HERC1: variants seen among roughly 807,000 people sequenced by gnomAD.
The protein encoded by HERC1 is probable E3 ubiquitin-protein ligase HERC1.
A neutral mutation model predicts 554.3 loss-of-function variants in HERC1; 160 were observed. The observed-to-expected ratio is 0.29, with a 90% CI of 0.25 to 0.33. HERC1 has a LOEUF of 0.33. Among genes scored for constraint, HERC1 ranks in the 10% least tolerant of loss-of-function variants. The pLI is 1.00. For missense variants in HERC1, 4,919 were observed against 5,918.5 expected (o/e 0.83, Z 5.54); for synonymous variants, 2,175 against 2,131.7 (o/e 1.02, Z -0.56).
intron 24 of HERC1, among the ~76,000 whole-genome samples, chr15:63,711,530 C>T (rs2073293706): frequency 6.6e-6 from 1 of 152,194 alleles, no homozygotes; most frequent in African/African-American, 2.4e-5. Context: ...AACGTAAAGA[C>T]ACTGTTCAAC....
chr15:63,790,154 T>C (rs1168821400), intron 1 of HERC1, among the ~76,000 whole-genome samples: 1 of 152,182 alleles, frequency 6.6e-6, no homozygotes, highest in Admixed American at 6.5e-5. Context: ...ATAACACATA[T>C]AAAGTTCTTG....
At position 63,636,067 on chromosome 15, in the gene HERC1, A is replaced by G; in HGVS notation, c.12308T>C (p.Val4103Ala). ...ATAGTCACCATCTCCCCAGCTAAAG[A>G]CCTCACCACTTTCAGTTAGGGCCAT... ...HSMALTESGE[V>A]FSWGDGDYGK... is the part of the protein sequence containing the mutation. The change falls in exon 65 of 78, where the codon GTC (valine) becomes GCC (alanine). Residue 4103 changes from valine (V) to alanine (A), a missense_variant. Around this residue, in one of 11 missense-constraint regions of HERC1, gnomAD observed 122 missense variants for 195.2 expected, o/e 0.63. Transcript: ENST00000443617. 6.2e-7 allele frequency: 1 copy of G among 1,613,542 alleles called. No individual in the cohort carries two copies. Among genetic ancestry groups the G allele is most frequent in the South Asian group, 1.1e-5 (1 of 91,068 alleles).
Position 63,633,927 on chromosome 15 carries a change from C to T in HERC1, c.12614G>A (p.Gly4205Asp). ...LNHTLAVSAD[G>D]SMVWAFGDGD... The stretch of plus-strand genomic sequence containing the variant: ...ATCTCCAAAAGCCCACACCATGGAA[C>T]CATCTGCTGACACTGCCAAAGTGTG... The change falls in exon 67 of 78, where the codon GGT (glycine) becomes GAT (aspartate). Residue 4205 changes from glycine to aspartate, a missense_variant. This residue lies in a region of HERC1 where 410 missense variants were observed against 467.0 expected (regional missense o/e 0.88). Coordinates refer to ENST00000443617, the MANE Select transcript of HERC1 (RefSeq NM_003922.4). 1 of 1,613,888 alleles carries T rather than the reference C, an allele frequency of 6.2e-7. No homozygotes were observed. Among genetic ancestry groups the T allele is most frequent in the Non-Finnish European group, 8.5e-7 (1 of 1,179,826 alleles).
At chr15:63,823,326 T>G (rs913303524) in intron 1 of HERC1, among the ~76,000 whole-genome samples, 1 of 152,218 alleles carries the variant, frequency 6.6e-6, no homozygotes, top group Non-Finnish European at 1.5e-5. Flanking sequence ...GGCATATAGA[T>G]AGTATTTAAA....
intron 12 of HERC1, among the ~76,000 whole-genome samples, chr15:63,741,888 T>G (rs1421862866): frequency 6.6e-6 from 1 of 152,240 alleles, no homozygotes; most frequent in Non-Finnish European, 1.5e-5. Context: ...ACTGTAACTC[T>G]AAAGTAGTAT....
In HERC1 at chr15:63,680,517, T is replaced by C; in HGVS notation, c.6465+20A>G. On this transcript the variant is annotated intron_variant, in intron 35 of 77. Transcript: ENST00000443617. This position sits in a 1 kb window ranked among gnomAD's most constrained non-coding sequence, Gnocchi z 5.8. ...AATAGAAACAAGAAAAATGTAATGC[T>C]TGTGAATGGGTGTCGGTACCTCTCC... 1 of 1,611,162 alleles carries C rather than the reference T, an allele frequency of 6.2e-7. No homozygotes were observed. The highest frequency in any genetic ancestry group is 8.5e-7 in the Non-Finnish European group (1 of 1,178,586).
chr15:63,616,807 A>T, intron 74 of HERC1, 125 bp from the exon 75 acceptor site: 8 of 820,098 alleles, frequency 9.8e-6, no homozygotes, highest in Non-Finnish European at 9.5e-6. Flanking sequence ...TTAGCCACAT[A>T]AGGCTAAAGT....
At chr15:63,708,857 C>T (rs1348366918) in intron 24 of HERC1, among the ~76,000 whole-genome samples, 1 of 152,230 alleles carries the variant, frequency 6.6e-6, no homozygotes, top group Non-Finnish European at 1.5e-5. Context: ...CCACCCCAGG[C>T]TCTCTGAAGC....
In HERC1 at chr15:63,609,107, C is replaced by A. The variant is rs1391991835; in HGVS notation, c.14560G>T (p.Ala4854Ser). 2 of 1,613,722 alleles carry A rather than the reference C, an allele frequency of 1.2e-6. No individual in the cohort carries two copies. The highest frequency in any genetic ancestry group is 4.5e-5 in the East Asian group (2 of 44,874). ...NYMLSRNVDN[A>S]EGSDTDY is the part of the protein sequence containing the mutation. ...CAGTAGTCAGTGTCGGAGCCCTCGG[C>A]GTTGTCCACGTTTCTCGAGAGCATG... is the stretch of plus-strand genomic sequence containing the variant. Residue 4854 changes from alanine to serine, a missense_variant, in exon 78 of 78, where the codon GCC becomes TCC. Coordinates refer to ENST00000443617, the MANE Select transcript of HERC1 (RefSeq NM_003922.4).
intron 19 of HERC1, 143 bp from the exon 20 acceptor site, chr15:63,719,040 C>T: frequency 1.7e-6 from 1 of 601,406 alleles, no homozygotes; most frequent in Non-Finnish European, 2.9e-6. Context: ...TTAGATCCCA[C>T]TTACTGTTCC....
chr15:63,796,441 T>G (rs1377593103), intron 1 of HERC1, among the ~76,000 whole-genome samples: 1 of 152,228 alleles, frequency 6.6e-6, no homozygotes, highest in Non-Finnish European at 1.5e-5. Flanking sequence ...TAAGAGAAAT[T>G]TGACACAGTT....
intron 3 of HERC1, among the ~76,000 whole-genome samples, chr15:63,759,721 C>T (rs1478550021): frequency 3.3e-5 from 5 of 152,030 alleles, no homozygotes; most frequent in African/African-American, 1.2e-4. Context: ...TTGTTTTCTG[C>T]CTTTTAGTTT....
Position 63,630,591 on chromosome 15 carries a change from G to C in HERC1, c.12841C>G (p.Arg4281Gly), listed in dbSNP as rs1349418798. 1 of 1,613,580 alleles carries C rather than the reference G, an allele frequency of 6.2e-7. No individual in the cohort carries two copies. Among genetic ancestry groups the C allele is most frequent in the Non-Finnish European group, 8.5e-7 (1 of 1,179,790 alleles). ...GCCAGGACAGGGATTTGTTGCGGTC[G>C]ATTGTGATTGCGAGCACGCCCCTCT... is the stretch of plus-strand genomic sequence containing the variant. ...LPEGRARNHNRPQQIPVLAGV... is the reference protein window; with the variant it reads ...LPEGRARNHNGPQQIPVLAGV... Residue 4281 changes from arginine to glycine, a missense_variant, in exon 69 of 78, where the codon CGA becomes GGA. This residue lies in a region of HERC1 where 410 missense variants were observed against 467.0 expected (regional missense o/e 0.88). Coordinates refer to ENST00000443617, the MANE Select transcript of HERC1 (RefSeq NM_003922.4).
chr15:63,661,648 A>G (rs2070364798), intron 45 of HERC1, 105 bp downstream of exon 45: 2 of 1,176,600 alleles, frequency 1.7e-6, no homozygotes, highest in Non-Finnish European at 2.4e-6. Flanking sequence ...ACGGGATTTC[A>G]GGGAAGGTTA....
chr15:63,763,978 C>A, intron 3 of HERC1, 118 bp downstream of exon 3: 2 of 297,776 alleles, frequency 6.7e-6, no homozygotes, highest in East Asian at 9.2e-5. Flanking sequence ...GAGGTAACAA[C>A]TGGTGCCACT....
intron 59 of HERC1, 61 bp downstream of exon 59, chr15:63,642,896 T>C (rs1032870082): frequency 2.5e-5 from 25 of 999,472 alleles, no homozygotes; most frequent in Admixed American, 7.8e-5. Context: ...GTGGTTAGAC[T>C]ATGATTTCTA....
intron 77 of HERC1, among the ~76,000 whole-genome samples, chr15:63,611,867 T>C (rs1336186115): frequency 6.6e-6 from 1 of 152,214 alleles, no homozygotes; most frequent in Non-Finnish European, 1.5e-5. Context: ...GGGTCATAGT[T>C]TGTTTTCCCC....
intron 1 of HERC1, among the ~76,000 whole-genome samples, chr15:63,788,251 C>T (rs983371961): frequency 6.6e-6 from 1 of 152,152 alleles, no homozygotes; most frequent in African/African-American, 2.4e-5. Context: ...CCTAACACAG[C>T]ATCTGATACC....
intron 12 of HERC1, among the ~76,000 whole-genome samples, chr15:63,739,281 T>A (rs1462572123): frequency 7.2e-6 from 1 of 139,678 alleles, no homozygotes; most frequent in Non-Finnish European, 1.5e-5. Flanking sequence ...CACTGCAACC[T>A]CCATCTCAAA....
Sources: allele counts gnomAD v4.1 joint callset (sites outside exome capture counted in the v4.1 genomes callset), GRCh38; gene constraint gnomAD v4.1.1; regional missense constraint gnomAD v4.1.1; non-coding constraint Gnocchi (gnomAD v3.1); transcripts MANE v1.5; gene names NCBI Gene and HGNC (gene_info 2026-07-23, HGNC 2026-07-21).